ATRNL1: variants seen among roughly 807,000 people sequenced by gnomAD.
The protein encoded by ATRNL1 is attractin like 1.
ATRNL1 carries 95 observed loss-of-function variants against 182.7 expected under a neutral mutation model. The observed-to-expected ratio is 0.52, with a 90% CI of 0.44 to 0.62. The LOEUF (loss-of-function observed/expected upper bound fraction) is 0.62, where lower values mean the gene tolerates loss of function less well. ATRNL1 is among the 20% of genes least tolerant of loss of function. ATRNL1 has a pLI of 0.00. For synonymous variants in ATRNL1, 576 were observed against 568.3 expected (o/e 1.01, Z -0.19); for missense variants, 1,471 against 1,679.5 (o/e 0.88, Z 2.17).
intron 27 of ATRNL1, among the ~76,000 whole-genome samples, chr10:115,766,926 C>G (rs1555075175): frequency 1.3e-5 from 2 of 152,136 alleles, no homozygotes; most frequent in African/African-American, 4.8e-5. Flanking sequence ...GTCACATAAA[C>G]TCTGAGCTGC....
chr10:115,457,287 T>G (rs1847572764), intron 21 of ATRNL1, among the ~76,000 whole-genome samples: 2 of 152,108 alleles, frequency 1.3e-5, no homozygotes, highest in African/African-American at 4.8e-5. Flanking sequence ...TACTTGCTAA[T>G]TGGTCCATAG....
intron 8 of ATRNL1, among the ~76,000 whole-genome samples, chr10:115,192,781 ACTT>A (rs1365682995): frequency 6.6e-6 from 1 of 151,774 alleles, no homozygotes; most frequent in Non-Finnish European, 1.5e-5. Flanking sequence ...GAGATCTTTC[ACTT>A]CTTTGGTTAA....
intron 10 of ATRNL1, among the ~76,000 whole-genome samples, chr10:115,247,932 C>T (rs1554904476): frequency 6.6e-6 from 1 of 152,090 alleles, no homozygotes; most frequent in Non-Finnish European, 1.5e-5. Context: ...GAAAGTTAAA[C>T]ACTGTATGTT....
At chr10:115,393,513 A>G (rs191677936) in intron 19 of ATRNL1, among the ~76,000 whole-genome samples, 64 of 152,268 alleles carry the variant, frequency 4.2e-4, no homozygotes, top group South Asian at 4.1e-4. Context: ...ATTTTTGTCA[A>G]TAGAATGGTT....
At chr10:115,679,365 C>G (rs1555043950) in intron 26 of ATRNL1, among the ~76,000 whole-genome samples, 1 of 151,674 alleles carries the variant, frequency 6.6e-6, no homozygotes, top group Non-Finnish European at 1.5e-5. Flanking sequence ...CAGTACAACC[C>G]TCTCTGAAAC....
chr10:115,093,946 A>G lies in ATRNL1; in HGVS notation c.196A>G (p.Thr66Ala). 6.3e-7 allele frequency: 1 copy of G among 1,590,588 alleles called. No homozygotes were observed. The highest frequency in any genetic ancestry group is 8.5e-7 in the Non-Finnish European group (1 of 1,170,282). ...GTCCCAGTCCAAGCCGTGCGAGAGG[A>G]CCGGCTCCTGCTTCTCGGGCCGCTG... The part of the protein sequence containing the change: ...QVSQSKPCER[T>A]GSCFSGRCVN... The change falls in exon 1 of 29, where the codon ACC becomes GCC. Residue 66 changes from threonine to alanine, a missense_variant. Thr to Ala is a moderately conservative substitution (Grantham distance 58). This residue lies in a region of ATRNL1 where 1,031 missense variants were observed against 1,156.0 expected (regional missense o/e 0.89). Coordinates refer to ENST00000355044, the MANE Select transcript of ATRNL1 (RefSeq NM_207303.4). The surrounding 1 kb of genome is among the most constrained non-coding windows in gnomAD (Gnocchi z 6.1).
intron 18 of ATRNL1, among the ~76,000 whole-genome samples, chr10:115,319,358 A>G (rs906148869): frequency 3.9e-5 from 6 of 152,242 alleles, no homozygotes; most frequent in African/African-American, 1.4e-4. Context: ...AATAATGTAT[A>G]TTCTGTTGAT....
chr10:115,804,104 A>G (rs922183197), intron 27 of ATRNL1, among the ~76,000 whole-genome samples: 5 of 152,222 alleles, frequency 3.3e-5, no homozygotes, highest in African/African-American at 1.2e-4. Flanking sequence ...ACAAAACTCC[A>G]TTTAGAGAGG....
At chr10:115,592,859 A>C (rs1256084809) in intron 26 of ATRNL1, among the ~76,000 whole-genome samples, 1 of 152,114 alleles carries the variant, frequency 6.6e-6, no homozygotes, top group Admixed American at 6.5e-5. Flanking sequence ...GCCTACTTAC[A>C]ATTCTTTTTA....
At chr10:115,363,851 G>C (rs1423456770) in intron 19 of ATRNL1, among the ~76,000 whole-genome samples, 3 of 146,802 alleles carry the variant, frequency 2.0e-5, no homozygotes, top group Admixed American at 1.4e-4. Context: ...TTATTTCTGA[G>C]GGCTCTGTTC....
intron 27 of ATRNL1, among the ~76,000 whole-genome samples, chr10:115,823,943 G>A (rs1950364458): frequency 1.3e-5 from 2 of 152,138 alleles, no homozygotes; most frequent in South Asian, 4.2e-4. Context: ...ATTTCATATG[G>A]AACCAAAAAA....
At position 115,131,216 on chromosome 10, in the gene ATRNL1, C is replaced by CTG. The variant is rs576998028; in HGVS notation, c.829+1691_829+1692dup. On this transcript the variant is annotated intron_variant, in intron 5 of 28. Coordinates refer to ENST00000355044, the MANE Select transcript of ATRNL1 (RefSeq NM_207303.4). ...TATCAGTAGTCTAAGAACTACTTGTCTGTGTGTGTGTATGTGTGTGTGTAT... is the reference window on the plus strand; with the variant it reads ...TATCAGTAGTCTAAGAACTACTTGTCTGTGTGTGTGTGTATGTGTGTGTGTAT... 4.4e-3 allele frequency among the ~76,000 whole-genome samples: 670 copies of CTG among 151,568 alleles called. 8 individuals are homozygous for CTG. The highest frequency in any genetic ancestry group is 3.9e-3 in the Non-Finnish European group (263 of 67,814).
rs570580111 is a variant in ATRNL1 at position 115,474,922 on chromosome 10, C to T, written c.3654+5593C>T. 1.1e-4 allele frequency among the ~76,000 whole-genome samples: 17 copies of T among 151,336 alleles called. 1 individual carries two copies. In the South Asian group the frequency reaches 2.3e-3, roughly 20 times the overall value. On this transcript the variant is annotated intron_variant, in intron 24 of 28. Coordinates refer to ENST00000355044, the MANE Select transcript of ATRNL1 (RefSeq NM_207303.4). ...CAGAAATGTAGAATTTTAGCCCTGT[C>T]GCCACTGAATGAGATCCTGCTTTTT...
chr10:115,422,849 A>G (rs912063710), intron 20 of ATRNL1, among the ~76,000 whole-genome samples: 1 of 152,318 alleles, frequency 6.6e-6, no homozygotes, highest in African/African-American at 2.4e-5. Flanking sequence ...AGGGAACAAC[A>G]GACACCAGAA....
At chr10:115,753,808 C>A (rs1338344321) in intron 27 of ATRNL1, among the ~76,000 whole-genome samples, 1 of 152,198 alleles carries the variant, frequency 6.6e-6, no homozygotes, top group Admixed American at 6.5e-5. Context: ...TAAAAGCTTT[C>A]CTATTTCTTC....
In ATRNL1 at chr10:115,880,114, C is replaced by A. The variant is rs184370054; in HGVS notation, c.4018+32123C>A. Reference sequence around the variant, plus strand: ...AAATTATTTCCCAGGATAAAGTCATCCTGCTGGAGGCTTTCAGTAGAGTGC... The same window carrying A: ...AAATTATTTCCCAGGATAAAGTCATACTGCTGGAGGCTTTCAGTAGAGTGC... On this transcript the variant is annotated intron_variant, in intron 28 of 28. Transcript: ENST00000355044. Among the ~76,000 whole-genome samples, 461 of 152,296 alleles carry A rather than the reference C, an allele frequency of 3.0e-3. 1 individual carries two copies. The highest frequency in any genetic ancestry group is 0.01 in the African/African-American group (417 of 41,576).
chr10:115,244,583 A>G (rs1850552551), intron 10 of ATRNL1, among the ~76,000 whole-genome samples: 1 of 152,226 alleles, frequency 6.6e-6, no homozygotes, highest in Non-Finnish European at 1.5e-5. Context: ...ATAGCATGAC[A>G]CATTTCTTAA....
At chr10:115,543,903 C>T (rs139205801) in intron 25 of ATRNL1, among the ~76,000 whole-genome samples, 1 of 151,798 alleles carries the variant, frequency 6.6e-6, no homozygotes, top group East Asian at 1.9e-4. Context: ...TTCTTTCTTT[C>T]TTTCTTTGTT....
At chr10:115,916,641 T>A (rs1952862375) in intron 28 of ATRNL1, among the ~76,000 whole-genome samples, 1 of 152,212 alleles carries the variant, frequency 6.6e-6, no homozygotes, top group Admixed American at 6.5e-5. Flanking sequence ...CCCACGTGCA[T>A]TAGAATTCAT....
Sources: gnomAD v4.1 joint callset for allele counts (sites outside exome capture counted in the v4.1 genomes callset) on GRCh38, gnomAD v4.1.1 for gene constraint, gnomAD v4.1.1 regional missense constraint, Gnocchi (gnomAD v3.1) non-coding constraint, MANE v1.5 for transcripts, NCBI Gene and HGNC (gene_info 2026-07-23, HGNC 2026-07-21) for gene names.